The following TYW5 variants were observed in gnomAD, a reference collection of about 807,000 sequenced individuals.
TYW5 encodes the protein tRNA-yW synthesizing protein 5.
In TYW5, 36 loss-of-function variants were observed where a neutral mutation model predicts 44.4. The observed-to-expected ratio is 0.81, with a 90% CI of 0.62 to 1.07. The LOEUF (loss-of-function observed/expected upper bound fraction) is 1.07. Ranked by LOEUF, TYW5 falls within the 50% of genes least tolerant of loss-of-function variation. The pLI is 0.00. For synonymous variants in TYW5, 121 were observed against 128.1 expected (o/e 0.94, Z 0.37); for missense variants, 354 against 365.7 (o/e 0.97, Z 0.26).
chr2:199,952,095 T>C (rs2077549994), intron 1 of TYW5, among the ~76,000 whole-genome samples: 1 of 152,196 alleles, frequency 6.6e-6, no homozygotes, highest in Admixed American at 6.5e-5. Flanking sequence ...CTTTTTTACA[T>C]CTTAGTATAC....
intron 4 of TYW5, among the ~76,000 whole-genome samples, chr2:199,939,297 T>C (rs2077446556): frequency 6.6e-6 from 1 of 152,108 alleles, no homozygotes; most frequent in Admixed American, 6.5e-5. Flanking sequence ...GGAGACGGGA[T>C]TCCCCATGTT....
chr2:199,943,882 C>CT, intron 2 of TYW5, 48 bp from the exon 3 acceptor site: 1 of 1,427,254 alleles, frequency 7.0e-7, no homozygotes, highest in Non-Finnish European at 9.7e-7. Flanking sequence ...AACAGATCAA[C>CT]TAGTAAGAAT....
chr2:199,941,597 T>A (rs750270403), intron 3 of TYW5, among the ~76,000 whole-genome samples: 1 of 152,234 alleles, frequency 6.6e-6, no homozygotes, highest in African/African-American at 2.4e-5. Flanking sequence ...CCACATCACA[T>A]AGATTCTATA....
chr2:199,939,192 A>ATC (rs751643465), intron 4 of TYW5, 122 bp from the exon 5 acceptor site: 8 of 821,692 alleles, frequency 9.7e-6, no homozygotes, highest in Admixed American at 3.1e-5. Context: ...CCAATACATG[A>ATC]TCTCTCTCTC....
chr2:199,929,688 T>C lies in TYW5; in HGVS notation c.*3379A>G, dbSNP rs2077358981. Among the ~76,000 whole-genome samples, 1 of 152,084 alleles carries C rather than the reference T, an allele frequency of 6.6e-6. No individual in the cohort carries two copies. The highest frequency in any genetic ancestry group is 1.5e-5 in the Non-Finnish European group (1 of 68,028). On this transcript the variant is annotated 3_prime_UTR_variant, in exon 8 of 8. Coordinates refer to ENST00000354611, the MANE Select transcript of TYW5 (RefSeq NM_001039693.3). ...TGTTCAAAAGGATGAAGGATACAAA[T>C]TAAGTTTTGTTGACTTTGTTTCCTT...
chr2:199,955,218 A>C (rs1024494644), intron 1 of TYW5, 175 bp downstream of exon 1: 6 of 609,292 alleles, frequency 9.8e-6, no homozygotes, highest in Non-Finnish European at 1.4e-5. Flanking sequence ...TAGAGGAGCC[A>C]GTCGGCGTCC....
intron 7 of TYW5, among the ~76,000 whole-genome samples, 187 bp from the exon 8 acceptor site, chr2:199,933,510 T>G (rs939619323): frequency 2.0e-5 from 3 of 152,162 alleles, no homozygotes; most frequent in African/African-American, 7.2e-5. Flanking sequence ...GCCAACAAAT[T>G]TAAAGTGTCA....
At chr2:199,935,119 T>C (rs2077408602) in intron 7 of TYW5, among the ~76,000 whole-genome samples, 1 of 152,086 alleles carries the variant, frequency 6.6e-6, no homozygotes, top group Non-Finnish European at 1.5e-5. Flanking sequence ...TAAAGTGTCT[T>C]ACTTGATGTC....
rs1454518718 is a variant in TYW5, at chr2:199,938,905, C to T, written c.486+28G>A. 3 of 1,569,214 alleles carry T rather than the reference C, an allele frequency of 1.9e-6. No homozygotes were observed. The African/African-American group carries it at 4.1e-5, about 22-fold the overall frequency. On this transcript the variant is annotated intron_variant, in intron 5 of 7. Transcript: ENST00000354611. ...CTATAATGCTAAAGATCTATTGTAG[C>T]TTTAAATTTCTCATTTATGTAGCAT...
At position 199,938,188 on chromosome 2, in the gene TYW5, T is replaced by C. The variant is rs541776638; in HGVS notation, c.486+745A>G. On this transcript the variant is annotated intron_variant, in intron 5 of 7. Coordinates refer to ENST00000354611, the MANE Select transcript of TYW5 (RefSeq NM_001039693.3). ...CACGCCATTCTCCTGCCTAAGCCTC[T>C]GGAGTAGCTGGGACTACAGGCACCC... Among the ~76,000 whole-genome samples, 93 of 151,906 alleles carry C rather than the reference T, an allele frequency of 6.1e-4. 1 individual carries two copies. The South Asian group carries it at 0.019, about 31-fold the overall frequency.
rs1382572736 is a variant in TYW5 at position 199,931,325 on chromosome 2, T to C, written c.*1742A>G. ...TTCTCCATTAAACAATCAATTAAGA[T>C]GACTATTCAGTGCACAAACTGTAAT... On this transcript the variant is annotated 3_prime_UTR_variant, in exon 8 of 8. Transcript: ENST00000354611. 1.3e-5 allele frequency: 2 copies of C among 152,218 alleles called. No homozygotes were observed. The highest frequency in any genetic ancestry group is 4.8e-5 in the African/African-American group (2 of 41,464). The allele number at this position is 152,218 out of a possible 1,614,324, so 9.4% of individuals were successfully genotyped here. A position where few individuals can be genotyped will look rare whatever the true frequency, so the allele number is the denominator to read the frequency against.
At chr2:199,937,020 CAA>C (rs2077426135) in intron 5 of TYW5, among the ~76,000 whole-genome samples, 1 of 151,638 alleles carries the variant, frequency 6.6e-6, no homozygotes, top group Non-Finnish European at 1.5e-5. Context: ...TCCTTTTCTG[CAA>C]ACAGTATGGT....
chr2:199,935,502 C>G (rs1026630211), intron 7 of TYW5, among the ~76,000 whole-genome samples: 1 of 151,572 alleles, frequency 6.6e-6, no homozygotes, highest in East Asian at 2.0e-4. Flanking sequence ...CACCACCATG[C>G]CTGACTAAAT....
chr2:199,952,190 AAC>A (rs1373428808), intron 1 of TYW5, among the ~76,000 whole-genome samples: 1 of 152,160 alleles, frequency 6.6e-6, no homozygotes, highest in Non-Finnish European at 1.5e-5. Flanking sequence ...CAAGTACAGT[AAC>A]ACTACGTAAA....
At chr2:199,938,317 G>A (rs2077437673) in intron 5 of TYW5, among the ~76,000 whole-genome samples, 1 of 152,036 alleles carries the variant, frequency 6.6e-6, no homozygotes, top group African/African-American at 2.4e-5. Context: ...GCCCGCCTCG[G>A]CCTCCCAAAG....
In TYW5 at chr2:199,955,413, T is replaced by A. The variant is rs751881614; in HGVS notation, c.58A>T (p.Met20Leu). ...CTCACCTGTGGGTAGAGGTGCTGCA[T>A]GAACTGCTCCCGAGAAACGCCCTCC... The part of the protein sequence containing the change: ...RLEGVSREQF[M>L]QHLYPQRKPL... Residue 20 changes from methionine (M) to leucine (L), a missense_variant, in exon 1 of 8, where the codon ATG becomes TTG. Transcript: ENST00000354611. 1 of 1,613,860 alleles carries A rather than the reference T, an allele frequency of 6.2e-7. No homozygotes were observed. The highest frequency in any genetic ancestry group is 1.1e-5 in the South Asian group (1 of 90,966).
chr2:199,952,535 T>C (rs2077553990), intron 1 of TYW5, among the ~76,000 whole-genome samples: 1 of 152,240 alleles, frequency 6.6e-6, no homozygotes, highest in Non-Finnish European at 1.5e-5. Context: ...TTACCCCCTT[T>C]TGAAAGTTCT....
At chr2:199,948,209 C>T (rs1247120225) in intron 2 of TYW5, 109 bp downstream of exon 2, 3 of 1,143,882 alleles carry the variant, frequency 2.6e-6, no homozygotes, top group South Asian at 3.0e-5. Context: ...TTACATCAAA[C>T]CAGCCAAAAG....
intron 1 of TYW5, among the ~76,000 whole-genome samples, chr2:199,954,614 A>G (rs1398328759): frequency 1.3e-5 from 2 of 151,958 alleles, no homozygotes; most frequent in African/African-American, 4.8e-5. Context: ...TTGTATTTTT[A>G]GTAGAGATGG....
Sources: allele counts gnomAD v4.1 joint callset (sites outside exome capture counted in the v4.1 genomes callset), GRCh38; gene constraint gnomAD v4.1.1; transcripts MANE v1.5; gene names NCBI Gene and HGNC (gene_info 2026-07-23, HGNC 2026-07-21).